SRGAP3: variants seen among roughly 807,000 people sequenced by gnomAD.
The protein encoded by SRGAP3 is SLIT-ROBO Rho GTPase-activating protein 3.
A neutral mutation model predicts 121.1 loss-of-function variants in SRGAP3; 39 were observed. That is an observed-to-expected ratio of 0.32 (90% CI 0.25 to 0.42). SRGAP3 has a LOEUF of 0.42. Among genes scored for constraint, SRGAP3 ranks in the 10% least tolerant of loss-of-function variants. SRGAP3 has a pLI of 1.00. For synonymous variants in SRGAP3, 601 were observed against 570.0 expected, an observed-to-expected ratio of 1.05 and a Z score of -0.77; for missense variants, 1,213 against 1,470.6, an observed-to-expected ratio of 0.82 and a Z score of 2.86.
At chr3:9,266,615 C>T (rs1305919573) in intron 3 of SRGAP3, among the ~76,000 whole-genome samples, 2 of 152,120 alleles carry the variant, frequency 1.3e-5, no homozygotes, top group East Asian at 3.9e-4. Flanking sequence ...TCACTGGAGG[C>T]CTCCTTCCAT....
At chr3:9,357,538 G>A (rs886270218) in intron 1 of SRGAP3, among the ~76,000 whole-genome samples, 1 of 151,160 alleles carries the variant, frequency 6.6e-6, no homozygotes, top group African/African-American at 2.4e-5. Context: ...CACCATACCT[G>A]GCTTGATAAT....
At chr3:9,069,661 A>C (rs1178892867) in intron 4 of SRGAP3, among the ~76,000 whole-genome samples, 1 of 152,202 alleles carries the variant, frequency 6.6e-6, no homozygotes, top group Non-Finnish European at 1.5e-5. Flanking sequence ...AAAAGTAGCA[A>C]GAGCGGGCTG....
chr3:9,323,490 T>C (rs1244043953), intron 3 of SRGAP3, among the ~76,000 whole-genome samples: 1 of 151,818 alleles, frequency 6.6e-6, no homozygotes, highest in East Asian at 1.9e-4. Context: ...TCTAATTTAT[T>C]TGACAAGGAA....
chr3:9,322,170 A>G (rs1955448034), intron 3 of SRGAP3, among the ~76,000 whole-genome samples: 1 of 151,612 alleles, frequency 6.6e-6, no homozygotes, highest in Non-Finnish European at 1.5e-5. Flanking sequence ...AAAATCGTAG[A>G]TTGTGGTGTG....
At chr3:8,987,420 A>G (rs1391582588) in intron 21 of SRGAP3, among the ~76,000 whole-genome samples, 9 of 129,268 alleles carry the variant, frequency 7.0e-5, no homozygotes, top group Admixed American at 6.4e-4. Flanking sequence ...TGCAAATCCT[A>G]AAAAAAATAA....
chr3:8,995,253 C>T (rs1050303996), intron 18 of SRGAP3, among the ~76,000 whole-genome samples: 8 of 152,076 alleles, frequency 5.3e-5, no homozygotes, highest in Non-Finnish European at 1.2e-4. Flanking sequence ...AGGAGGATCG[C>T]TTGAGTCCAG....
At chr3:9,091,815 C>T (rs1947769463) in intron 3 of SRGAP3, among the ~76,000 whole-genome samples, 1 of 152,178 alleles carries the variant, frequency 6.6e-6, no homozygotes, top group South Asian at 2.1e-4. Flanking sequence ...TGTTATTCTT[C>T]CCCTCTGCCT....
chr3:9,075,392 C>CGCGT (rs1560085516), intron 4 of SRGAP3, among the ~76,000 whole-genome samples: 3 of 91,060 alleles, frequency 3.3e-5, no homozygotes, highest in African/African-American at 1.6e-4. Flanking sequence ...TGTGTGTGTG[C>CGCGT]GCGCGCACAT....
chr3:8,990,046 C>T (rs573057677), intron 21 of SRGAP3, among the ~76,000 whole-genome samples: 2 of 152,332 alleles, frequency 1.3e-5, no homozygotes, highest in South Asian at 4.1e-4. Flanking sequence ...AAACTGTAAG[C>T]TCCATGTGGG....
At chr3:9,082,096 C>T (rs2125270754) in intron 3 of SRGAP3, among the ~76,000 whole-genome samples, 1 of 152,248 alleles carries the variant, frequency 6.6e-6, no homozygotes, top group South Asian at 2.1e-4. Context: ...AGTGACATCC[C>T]CTTGGTGTAT....
chr3:9,081,367 G>C (rs1027133349), intron 3 of SRGAP3: 8 of 443,656 alleles, frequency 1.8e-5, no homozygotes, highest in African/African-American at 1.6e-4. Context: ...CAAGGCAAAA[G>C]ATCTAGCTTC....
At chr3:9,295,787 A>C (rs942445866) in intron 3 of SRGAP3, among the ~76,000 whole-genome samples, 3 of 152,152 alleles carry the variant, frequency 2.0e-5, no homozygotes, top group Non-Finnish European at 2.9e-5. Context: ...GTACCCATTA[A>C]ACACGAACTC....
chr3:9,275,050 T>G (rs1266667817), intron 3 of SRGAP3, among the ~76,000 whole-genome samples: 2 of 152,316 alleles, frequency 1.3e-5, no homozygotes, highest in African/African-American at 4.8e-5. Flanking sequence ...GGTGGAACCC[T>G]CACCAGGGAC....
chr3:9,019,486 G>C (rs1382557572), intron 14 of SRGAP3, among the ~76,000 whole-genome samples: 2 of 152,192 alleles, frequency 1.3e-5, no homozygotes, highest in African/African-American at 4.8e-5. Context: ...ATTTCCATGG[G>C]GGAGGTGAAA....
upstream of SRGAP3, among the ~76,000 whole-genome samples, chr3:9,252,171 T>A (rs546953410): frequency 6.6e-6 from 1 of 152,302 alleles, no homozygotes; most frequent in African/African-American, 2.4e-5. Flanking sequence ...TCTTCCTTGC[T>A]TCCTCACTCA....
chr3:9,078,471 T>C (rs1947078383), intron 4 of SRGAP3, among the ~76,000 whole-genome samples: 1 of 151,906 alleles, frequency 6.6e-6, no homozygotes, highest in South Asian at 2.1e-4. Context: ...CCACCGTGAG[T>C]ATGTACAACA....
chr3:9,039,239 A>C (rs1944909908), intron 10 of SRGAP3, among the ~76,000 whole-genome samples: 1 of 152,132 alleles, frequency 6.6e-6, no homozygotes, highest in African/African-American at 2.4e-5. Flanking sequence ...CACACTTTCC[A>C]GGTGTTCTTC....
At chr3:9,350,935 G>C (rs1240513171) in intron 1 of SRGAP3, among the ~76,000 whole-genome samples, 7 of 152,180 alleles carry the variant, frequency 4.6e-5, no homozygotes, top group African/African-American at 1.7e-4. Context: ...TCATCCCGGG[G>C]GTTGGCAGGT....
At chr3:9,139,819 G>A (rs1949786999) in intron 1 of SRGAP3, among the ~76,000 whole-genome samples, 1 of 152,124 alleles carries the variant, frequency 6.6e-6, no homozygotes, top group Non-Finnish European at 1.5e-5. Context: ...AATATAAGAT[G>A]ACCAGAAGAA....
Sources: gnomAD v4.1 joint callset for allele counts (sites outside exome capture counted in the v4.1 genomes callset) on GRCh38, gnomAD v4.1.1 for gene constraint, MANE v1.5 for transcripts, NCBI Gene and HGNC (gene_info 2026-07-23, HGNC 2026-07-21) for gene names.